Variants in PTPRR observed in about 807,000 individuals in gnomAD.
PTPRR encodes the protein protein tyrosine phosphatase receptor type R.
Under a neutral mutation model 77.2 loss-of-function variants are expected in PTPRR, and 38 were observed. That is an observed-to-expected ratio of 0.49 (90% CI 0.38 to 0.65). The LOEUF is 0.65. Ranked by LOEUF, PTPRR falls within the 30% of genes least tolerant of loss-of-function variation. The pLI is 0.00. For missense variants in PTPRR, 744 were observed against 799.2 expected, an observed-to-expected ratio of 0.93 and a Z score of 0.83; for synonymous variants, 299 against 283.1, an observed-to-expected ratio of 1.06 and a Z score of -0.57.
chr12:70,723,805 ATTT>A (rs1565666846), intron 6 of PTPRR, among the ~76,000 whole-genome samples: 1 of 152,162 alleles, frequency 6.6e-6, no homozygotes, highest in Non-Finnish European at 1.5e-5. Flanking sequence ...GCCCAACTCA[ATTT>A]TATTTGCTTT....
At chr12:70,908,605 A>G (rs903437773) in intron 1 of PTPRR, among the ~76,000 whole-genome samples, 3 of 152,128 alleles carry the variant, frequency 2.0e-5, no homozygotes, top group African/African-American at 7.2e-5. Flanking sequence ...CCCTCCCACA[A>G]CAGGTGGGGA....
intron 8 of PTPRR, among the ~76,000 whole-genome samples, chr12:70,696,291 C>T (rs1888231535): frequency 6.6e-6 from 1 of 152,000 alleles, no homozygotes; most frequent in Non-Finnish European, 1.5e-5. Flanking sequence ...GCATAATTAC[C>T]ATTTATATGA....
intron 6 of PTPRR, among the ~76,000 whole-genome samples, chr12:70,738,304 A>G (rs982307538): frequency 6.6e-5 from 10 of 152,208 alleles, no homozygotes; most frequent in African/African-American, 9.6e-5. Flanking sequence ...TGTTCGTTGG[A>G]TATCAGCAAC....
intron 8 of PTPRR, among the ~76,000 whole-genome samples, chr12:70,690,487 G>T (rs1042388976): frequency 2.0e-5 from 3 of 152,070 alleles, no homozygotes; most frequent in Non-Finnish European, 4.4e-5. Flanking sequence ...CATAACAAAA[G>T]GTAATCATCA....
chr12:70,735,568 T>C (rs1474933812), intron 6 of PTPRR, among the ~76,000 whole-genome samples: 1 of 152,164 alleles, frequency 6.6e-6, no homozygotes. Flanking sequence ...CAAGATGAGA[T>C]TTGGGTGGGG....
At chr12:70,832,101 C>A (rs1892223634) in intron 2 of PTPRR, among the ~76,000 whole-genome samples, 1 of 152,230 alleles carries the variant, frequency 6.6e-6, no homozygotes, top group African/African-American at 2.4e-5. Flanking sequence ...ATCACTAAAG[C>A]AGCACTATTC....
Position 70,777,122 on chromosome 12 carries a change from G to T in PTPRR, c.358-12344C>A, listed in dbSNP as rs978686415. On this transcript the variant is annotated intron_variant, in intron 2 of 13. Coordinates refer to ENST00000283228, the MANE Select transcript of PTPRR (RefSeq NM_002849.4). ...AACTATACATTTTGTTCCACAACTT[G>T]CTTTTTTCACTAATATATCTGAGAT... Among the ~76,000 whole-genome samples the T allele has an allele frequency of 8.6e-5, 13 of 151,748 alleles. No homozygotes were observed. In the East Asian group the frequency reaches 2.5e-3, roughly 29 times the overall value.
chr12:70,852,276 A>G (rs906494327), intron 2 of PTPRR, among the ~76,000 whole-genome samples: 4 of 152,214 alleles, frequency 2.6e-5, no homozygotes, highest in Non-Finnish European at 5.9e-5. Context: ...TATTCATTCA[A>G]CAATTGTTAA....
chr12:70,744,629 T>C (rs1171901895), intron 6 of PTPRR, among the ~76,000 whole-genome samples: 4 of 152,228 alleles, frequency 2.6e-5, no homozygotes, highest in African/African-American at 9.6e-5. Flanking sequence ...GAAGGGTGTG[T>C]TTGTGTGTGT....
intron 10 of PTPRR, among the ~76,000 whole-genome samples, chr12:70,663,553 A>G (rs1178251186): frequency 6.6e-6 from 1 of 152,198 alleles, no homozygotes; most frequent in Non-Finnish European, 1.5e-5. Flanking sequence ...ATTAAATATT[A>G]TTTTGGTATT....
chr12:70,764,723 T>C lies in PTPRR; in HGVS notation c.413A>G (p.Gln138Arg). ...LNITLLRIFRQGVAAALGLLP... is the reference protein window; with the variant it reads ...LNITLLRIFRRGVAAALGLLP... ...GAGTCCTAAAGCTGCAGCCACTCCT[T>C]GGCGGAAGATCCGAAGCAAGGTTAT... The change falls in exon 3 of 14, where the codon CAA becomes CGA. Residue 138 changes from glutamine (Q) to arginine (R), a missense_variant. Around this residue, in one of 3 missense-constraint regions of PTPRR, gnomAD observed 570 missense variants for 573.2 expected, o/e 0.99. Coordinates refer to ENST00000283228, the MANE Select transcript of PTPRR (RefSeq NM_002849.4). 1.2e-6 allele frequency: 2 copies of C among 1,614,168 alleles called. No individual in the cohort carries two copies. The highest frequency in any genetic ancestry group is 1.7e-6 in the Non-Finnish European group (2 of 1,180,014).
chr12:70,698,614 T>C (rs1408455752), intron 7 of PTPRR, among the ~76,000 whole-genome samples: 1 of 152,202 alleles, frequency 6.6e-6, no homozygotes, highest in Non-Finnish European at 1.5e-5. Flanking sequence ...TGGTTAGATT[T>C]TAAGAATCCT....
Position 70,638,891 on chromosome 12 carries a change from CAGAT to C in PTPRR, c.*289_*292del. 1 of 334,736 alleles carries C rather than the reference CAGAT, an allele frequency of 3.0e-6. No homozygotes were observed. Among genetic ancestry groups the C allele is most frequent in the Middle Eastern group, 8.6e-4 (1 of 1,160 alleles). The allele number at this position is 334,736 out of a possible 1,614,324, so 20.7% of individuals were successfully genotyped here. On this transcript the variant is annotated 3_prime_UTR_variant, in exon 14 of 14. Transcript: ENST00000283228. Reference sequence around the variant, plus strand: ...TATTACATACATACATTCTGTGTGGCAGATAGAGTCAGTACAGACAAAACAAAAT... The same window carrying C: ...TATTACATACATACATTCTGTGTGGCAGAGTCAGTACAGACAAAACAAAAT...
intron 13 of PTPRR, among the ~76,000 whole-genome samples, chr12:70,645,310 G>C (rs1314976796): frequency 6.6e-6 from 1 of 152,180 alleles, no homozygotes; most frequent in Admixed American, 6.5e-5. Context: ...TATCTAATAA[G>C]GCTTCAAGTT....
intron 2 of PTPRR, among the ~76,000 whole-genome samples, chr12:70,841,585 A>C (rs1892398354): frequency 6.6e-6 from 1 of 152,196 alleles, no homozygotes; most frequent in Non-Finnish European, 1.5e-5. Flanking sequence ...TTGTAAAGTA[A>C]GAAAACTTTT....
intron 2 of PTPRR, among the ~76,000 whole-genome samples, chr12:70,878,081 C>A (rs530749835): frequency 1.3e-5 from 2 of 152,234 alleles, no homozygotes; most frequent in Non-Finnish European, 2.9e-5. Flanking sequence ...CTTCCTTACA[C>A]CTTATACAAA....
At chr12:70,869,460 G>T (rs1269275212) in intron 2 of PTPRR, among the ~76,000 whole-genome samples, 3 of 152,196 alleles carry the variant, frequency 2.0e-5, no homozygotes, top group Non-Finnish European at 4.4e-5. Flanking sequence ...TATCCATGGA[G>T]AAATCAACAG....
intron 5 of PTPRR, among the ~76,000 whole-genome samples, 172 bp downstream of exon 5, chr12:70,754,019 G>A (rs1430585601): frequency 3.9e-5 from 6 of 152,100 alleles, no homozygotes; most frequent in African/African-American, 1.4e-4. Flanking sequence ...AATTCCATAA[G>A]CTCTCCTTTA....
At chr12:70,916,308 CAGA>C (rs1893774840) in intron 1 of PTPRR, among the ~76,000 whole-genome samples, 1 of 151,930 alleles carries the variant, frequency 6.6e-6, no homozygotes, top group Admixed American at 6.6e-5. Flanking sequence ...CTTCTAGAAA[CAGA>C]AGGATAAATA....
Sources: allele counts gnomAD v4.1 joint callset (sites outside exome capture counted in the v4.1 genomes callset), GRCh38; gene constraint gnomAD v4.1.1; regional missense constraint gnomAD v4.1.1; transcripts MANE v1.5; gene names NCBI Gene and HGNC (gene_info 2026-07-23, HGNC 2026-07-21).